ASAH1: variants seen among roughly 807,000 people sequenced by gnomAD.
The protein encoded by ASAH1 is acid ceramidase.
Under a neutral mutation model 59.5 loss-of-function variants are expected in ASAH1, and 70 were observed. The observed-to-expected ratio is 1.18, with a 90% CI of 0.97 to 1.43. The LOEUF is 1.43. Ranked by LOEUF, ASAH1 falls within the 40% of genes most tolerant of loss-of-function variation. The pLI is 0.00. For synonymous variants in ASAH1, 213 were observed against 166.5 expected (o/e 1.28, Z -2.15); for missense variants, 660 against 482.5 (o/e 1.37, Z -3.45).
chr8:18,084,773 T>C (rs562582047), upstream of ASAH1: 2 of 1,613,530 alleles, frequency 1.2e-6, no homozygotes, highest in Non-Finnish European at 1.7e-6. Context: ...CCCGCGAGCT[T>C]TCTCTCCCAG....
chr8:18,077,840 G>A (rs1589002521), intron 1 of ASAH1, among the ~76,000 whole-genome samples: 2 of 152,264 alleles, frequency 1.3e-5, no homozygotes, highest in Middle Eastern at 3.4e-3. Flanking sequence ...GTTCTGCTGT[G>A]AGGAGATACT....
intron 5 of ASAH1, 159 bp from the exon 6 acceptor site, chr8:18,064,690 C>A (rs568281211): frequency 1.8e-5 from 11 of 616,588 alleles, no homozygotes; most frequent in African/African-American, 1.5e-4. Context: ...TCTTCCCCAG[C>A]CTGGACTCTC....
intron 4 of ASAH1, chr8:18,068,212 G>A (rs922369655): frequency 3.9e-5 from 6 of 152,120 alleles, no homozygotes; most frequent in Non-Finnish European, 8.8e-5. Context: ...AGGTTTCATA[G>A]GTTAAGAAAC....
At position 18,075,606 on chromosome 8, in the gene ASAH1, T is replaced by G. The variant is rs1800372565; in HGVS notation, c.79-19A>C. The G allele has an allele frequency of 1.2e-6, 2 of 1,613,620 alleles. No homozygotes were observed. The highest frequency in any genetic ancestry group is 1.3e-5 in the African/African-American group (1 of 75,034). ...CTGTCCACTGAAAAGCAAAGAAAAT[T>G]AAGTTTCAGAAAATAACAAATGCTT... On this transcript the variant is annotated intron_variant, in intron 1 of 13. Transcript: ENST00000637790.
chr8:18,084,617 G>T (rs1368922685), upstream of ASAH1: 1 of 1,607,136 alleles, frequency 6.2e-7, no homozygotes, highest in Non-Finnish European at 8.5e-7. Flanking sequence ...GCAGTTGAGT[G>T]GCCGAGGAGT....
intron 2 of ASAH1, among the ~76,000 whole-genome samples, chr8:18,073,052 G>T (rs1367555666): frequency 1.3e-5 from 2 of 152,200 alleles, no homozygotes. Context: ...AAGTGGGGAT[G>T]ATGAGACCCC....
At chr8:18,070,157 T>A (rs1420666771) in intron 3 of ASAH1, among the ~76,000 whole-genome samples, 8 of 149,676 alleles carry the variant, frequency 5.3e-5, no homozygotes, top group Admixed American at 5.3e-4. Context: ...ATTTTTGTAT[T>A]TTTTTTTTTA....
chr8:18,084,366 G>C, upstream of ASAH1: 10 of 1,406,228 alleles, frequency 7.1e-6, no homozygotes, highest in Non-Finnish European at 9.2e-6. Context: ...TAGTCGGACC[G>C]AGCCGGAGCC....
In ASAH1 at chr8:18,057,630, G is replaced by A. The variant is rs2117011576; in HGVS notation, c.1099-7C>T. ...AGGTTGTGTATACGGTCAGCTGAAAGAAAAGTTATTTTTACTTTAAGGACG... is the reference window on the plus strand; with the variant it reads ...AGGTTGTGTATACGGTCAGCTGAAAAAAAAGTTATTTTTACTTTAAGGACG... On this transcript the variant is annotated splice_region_variant and splice_polypyrimidine_tract_variant and intron_variant, in intron 13 of 13. Transcript: ENST00000637790. 6.3e-7 allele frequency: 1 copy of A among 1,590,956 alleles called. No homozygotes were observed. The highest frequency in any genetic ancestry group is 8.6e-7 in the Non-Finnish European group (1 of 1,164,530).
At chr8:18,069,256 T>C (rs1465323725) in intron 4 of ASAH1, among the ~76,000 whole-genome samples, 1 of 151,836 alleles carries the variant, frequency 6.6e-6, no homozygotes, top group African/African-American at 2.4e-5. Context: ...CCTAGGTGTT[T>C]CATTGGTTCT....
rs1208688319 is a variant in ASAH1, at chr8:18,062,331, A to G, written c.596T>C (p.Phe199Ser). 6.2e-7 allele frequency: 1 copy of G among 1,614,206 alleles called. No individual in the cohort carries two copies. Among genetic ancestry groups the G allele is most frequent in the Admixed American group, 1.7e-5 (1 of 60,020 alleles). The change falls in exon 8 of 14, where the codon TTC (phenylalanine) becomes TCC (serine). Residue 199 changes from phenylalanine to serine, a missense_variant. Transcript: ENST00000637790. Reference protein sequence around the residue: ...LDFQRNNKTVFKASSFAGYVG... With the variant: ...LDFQRNNKTVSKASSFAGYVG... The stretch of plus-strand genomic sequence containing the variant: ...ATAGCCAGCAAAGCTTGAAGCCTTG[A>G]AGACAGTTTTGTTGTTTCTTTGGAA...
intron 6 of ASAH1, 116 bp downstream of exon 6, chr8:18,064,341 G>A (rs1799836692): frequency 3.7e-6 from 3 of 817,202 alleles, no homozygotes; most frequent in Non-Finnish European, 6.1e-6. Context: ...AAAGCTGTAT[G>A]CAACATACAC....
chr8:18,076,347 G>A (rs985354766), intron 1 of ASAH1: 7 of 152,400 alleles, frequency 4.6e-5, no homozygotes, highest in South Asian at 2.1e-4. Flanking sequence ...ATCTGTTTGC[G>A]TTCCTTGTCA....
chr8:18,071,147 C>A (rs918496506), intron 3 of ASAH1, among the ~76,000 whole-genome samples, 153 bp downstream of exon 3: 1 of 151,222 alleles, frequency 6.6e-6, no homozygotes, highest in East Asian at 1.9e-4. Context: ...GCGGAGGTTG[C>A]GGCGAGCTGA....
chr8:18,080,823 G>A (rs1176448930), intron 1 of ASAH1, among the ~76,000 whole-genome samples: 3 of 152,296 alleles, frequency 2.0e-5, no homozygotes, highest in Non-Finnish European at 4.4e-5. Flanking sequence ...CTCCCAAAGT[G>A]CTGGGATTAC....
In ASAH1 at chr8:18,062,328, T is replaced by G; in HGVS notation, c.599A>C (p.Lys200Thr). Residue 200 changes from lysine to threonine, a missense_variant, in exon 8 of 14, where the codon AAG becomes ACG. Transcript: ENST00000637790. ...DFQRNNKTVF[K>T]ASSFAGYVGM... ...CACATAGCCAGCAAAGCTTGAAGCC[T>G]TGAAGACAGTTTTGTTGTTTCTTTG... 2 of 1,614,252 alleles carry G rather than the reference T, an allele frequency of 1.2e-6. No individual in the cohort carries two copies. The highest frequency in any genetic ancestry group is 2.7e-5 in the African/African-American group (2 of 75,072).
rs1348990511 is a variant in ASAH1, at chr8:18,059,407, T to C, written c.975A>G (p.Lys325=). The C allele has an allele frequency of 6.2e-7, 1 of 1,614,194 alleles. No homozygotes were observed. Among genetic ancestry groups the C allele is most frequent in the Non-Finnish European group, 8.5e-7 (1 of 1,180,030 alleles). The change falls in exon 12 of 14, where the codon AAA becomes AAG. Residue 325 remains lysine (K), a synonymous_variant. Transcript: ENST00000637790. ...TGCGATCATCAAGGAAGAAGGGATG[T>C]TTCCAACGGTCATAATTTGTTTGTA... is the stretch of plus-strand genomic sequence containing the variant. ...YVVQTNYDRW[K]HPFFLDDRRT...
At chr8:18,073,512 C>A (rs1042094224) in intron 2 of ASAH1, among the ~76,000 whole-genome samples, 4 of 152,176 alleles carry the variant, frequency 2.6e-5, no homozygotes, top group African/African-American at 9.7e-5. Flanking sequence ...CACACATATA[C>A]AAATAAGAGA....
At chr8:18,065,084 T>G (rs1282905094) in intron 5 of ASAH1, 1 of 152,186 alleles carries the variant, frequency 6.6e-6, no homozygotes, top group African/African-American at 2.4e-5. Context: ...TTCTGTCCCA[T>G]TTAACATTAA....
Sources: gnomAD v4.1 joint callset for allele counts (sites outside exome capture counted in the v4.1 genomes callset) on GRCh38, gnomAD v4.1.1 for gene constraint, MANE v1.5 for transcripts, NCBI Gene and HGNC (gene_info 2026-07-23, HGNC 2026-07-21) for gene names.